The following IMMP2L variants were observed in gnomAD, a reference collection of about 807,000 sequenced individuals.
The protein encoded by IMMP2L is mitochondrial inner membrane protease subunit 2.
In IMMP2L, 18 loss-of-function variants were observed where a neutral mutation model predicts 19.3. That is an observed-to-expected ratio of 0.93 (90% confidence interval 0.64 to 1.38). The LOEUF (loss-of-function observed/expected upper bound fraction) is 1.38, where lower values mean the gene tolerates loss of function less well. IMMP2L is among the 40% of genes most tolerant of loss of function. The pLI, the probability that IMMP2L is intolerant of heterozygous loss-of-function variation, is 0.00. For missense variants in IMMP2L, 233 were observed against 218.2 expected, an observed-to-expected ratio of 1.07 and a Z score of -0.43; for synonymous variants, 76 against 73.0, an observed-to-expected ratio of 1.04 and a Z score of -0.21.
intron 1 of IMMP2L, among the ~76,000 whole-genome samples, chr7:111,548,426 C>G (rs369618878): frequency 6.6e-6 from 1 of 152,088 alleles, no homozygotes; most frequent in Admixed American, 6.6e-5. Flanking sequence ...AGTGGTTTAA[C>G]AGTCATTCTT....
intron 5 of IMMP2L, among the ~76,000 whole-genome samples, chr7:110,714,056 T>C (rs1795080194): frequency 6.6e-6 from 1 of 152,222 alleles, no homozygotes; most frequent in Admixed American, 6.5e-5. Flanking sequence ...TGATGCTGTC[T>C]GTGGGTCTGT....
chr7:110,847,497 C>T (rs1387827110), intron 5 of IMMP2L, among the ~76,000 whole-genome samples: 1 of 152,096 alleles, frequency 6.6e-6, no homozygotes, highest in Non-Finnish European at 1.5e-5. Flanking sequence ...AATCACTGAT[C>T]CTAACTTGAG....
chr7:110,699,040 T>C (rs1276053186), intron 5 of IMMP2L, among the ~76,000 whole-genome samples: 1 of 152,164 alleles, frequency 6.6e-6, no homozygotes, highest in African/African-American at 2.4e-5. Flanking sequence ...GATGAGGAGA[T>C]TTAAAAGCCT....
intron 5 of IMMP2L, among the ~76,000 whole-genome samples, chr7:110,814,385 C>T (rs994500013): frequency 6.6e-6 from 1 of 150,502 alleles, no homozygotes; most frequent in Non-Finnish European, 1.5e-5. Context: ...TCTCTATTTA[C>T]TCCTAAGATG....
At chr7:111,460,027 C>T (rs1411771803) in intron 3 of IMMP2L, among the ~76,000 whole-genome samples, 1 of 152,072 alleles carries the variant, frequency 6.6e-6, no homozygotes, top group Non-Finnish European at 1.5e-5. Context: ...TACTGCACCT[C>T]TAGAGGCCCC....
chr7:111,136,317 C>A (rs962878939), intron 3 of IMMP2L, among the ~76,000 whole-genome samples: 1 of 152,126 alleles, frequency 6.6e-6, no homozygotes, highest in African/African-American at 2.4e-5. Flanking sequence ...TGAGCCACTG[C>A]GCCCAGCCAC....
intron 3 of IMMP2L, among the ~76,000 whole-genome samples, chr7:111,372,819 T>C (rs1226734532): frequency 6.6e-6 from 1 of 152,046 alleles, no homozygotes; most frequent in Non-Finnish European, 1.5e-5. Context: ...GACAGAATAA[T>C]ATGAGCAGTC....
At chr7:110,967,495 G>C (rs1230503746) in intron 3 of IMMP2L, among the ~76,000 whole-genome samples, 1 of 151,928 alleles carries the variant, frequency 6.6e-6, no homozygotes, top group Non-Finnish European at 1.5e-5. Context: ...TTCCCTCTGT[G>C]ACTTGGGTAG....
intron 5 of IMMP2L, among the ~76,000 whole-genome samples, chr7:110,678,625 A>G (rs1216846304): frequency 6.6e-6 from 1 of 152,120 alleles, no homozygotes; most frequent in East Asian, 1.9e-4. Context: ...GTTTTGAACT[A>G]CAACCTGGCA....
chr7:111,099,422 T>C (rs904490287), intron 3 of IMMP2L, among the ~76,000 whole-genome samples: 3 of 151,754 alleles, frequency 2.0e-5, no homozygotes, highest in Non-Finnish European at 4.4e-5. Flanking sequence ...GCAAAGTTAA[T>C]TGATGAAAGC....
intron 3 of IMMP2L, among the ~76,000 whole-genome samples, chr7:111,307,530 T>C (rs1823011548): frequency 6.6e-6 from 1 of 151,750 alleles, no homozygotes. Context: ...GTGATACTTC[T>C]CAAAATTATA....
chr7:110,816,616 T>G (rs1802543016), intron 5 of IMMP2L, among the ~76,000 whole-genome samples: 1 of 151,440 alleles, frequency 6.6e-6, no homozygotes, highest in Admixed American at 6.6e-5. Flanking sequence ...TCTTTGTAGG[T>G]CTCTAAGGAC....
rs1218926832 is a variant in IMMP2L at position 110,664,532 on chromosome 7, GA to G, written c.409-812del. On this transcript the variant is annotated intron_variant, in intron 5 of 5. Transcript: ENST00000405709. ...GGGAGGACTTAAGGCTGAGCCCAAA[GA>G]CAGGAAGGGAGCCCTTAAACATCTT... Among the ~76,000 whole-genome samples the G allele has an allele frequency of 3.9e-5, 6 of 152,302 alleles. No individual in the cohort carries two copies. In the East Asian group the frequency reaches 5.8e-4, roughly 15 times the overall value.
chr7:111,186,837 A>T (rs1808320607), intron 3 of IMMP2L, among the ~76,000 whole-genome samples: 1 of 152,084 alleles, frequency 6.6e-6, no homozygotes, highest in South Asian at 2.1e-4. Flanking sequence ...ATTCATGTAT[A>T]AAGGACAGGA....
In IMMP2L at chr7:111,041,139, C is replaced by G. The variant is rs945076632; in HGVS notation, c.240-77574G>C. 5.3e-5 allele frequency among the ~76,000 whole-genome samples: 8 copies of G among 151,920 alleles called. No homozygotes were observed. In the East Asian group the frequency reaches 1.5e-3, roughly 29 times the overall value. Reference sequence around the variant, plus strand: ...GGCTAATTCTTATGACCATGTACCACCTAAGGAAATTTAAATTATTGTTTT... The same window carrying G: ...GGCTAATTCTTATGACCATGTACCAGCTAAGGAAATTTAAATTATTGTTTT... On this transcript the variant is annotated intron_variant, in intron 3 of 5. Coordinates refer to ENST00000405709, the MANE Select transcript of IMMP2L (RefSeq NM_032549.4).
chr7:111,286,106 A>T (rs1820449455), intron 3 of IMMP2L, among the ~76,000 whole-genome samples: 1 of 152,190 alleles, frequency 6.6e-6, no homozygotes, highest in Non-Finnish European at 1.5e-5. Context: ...TAAAAAGACT[A>T]ATTATTGAGA....
At chr7:110,948,404 T>C (rs991361789) in intron 4 of IMMP2L, among the ~76,000 whole-genome samples, 1 of 152,224 alleles carries the variant, frequency 6.6e-6, no homozygotes, top group Non-Finnish European at 1.5e-5. Flanking sequence ...ATTGCTTTTT[T>C]AAAAGTTATT....
At chr7:110,931,637 C>T (rs369775462) in intron 4 of IMMP2L, among the ~76,000 whole-genome samples, 10 of 152,104 alleles carry the variant, frequency 6.6e-5, no homozygotes, top group African/African-American at 2.4e-4. Context: ...ATCATTGCTT[C>T]CCTGGGTTAC....
chr7:111,346,537 C>T (rs1827584179), intron 3 of IMMP2L, among the ~76,000 whole-genome samples: 1 of 152,082 alleles, frequency 6.6e-6, no homozygotes, highest in African/African-American at 2.4e-5. Context: ...GAACTTACCT[C>T]ACACTTACAG....
Sources: allele counts gnomAD v4.1 joint callset (sites outside exome capture counted in the v4.1 genomes callset), GRCh38; gene constraint gnomAD v4.1.1; transcripts MANE v1.5; gene names NCBI Gene and HGNC (gene_info 2026-07-23, HGNC 2026-07-21).